The following USP25 variants were observed in gnomAD, a reference collection of about 807,000 sequenced individuals.
USP25 encodes the protein ubiquitin carboxyl-terminal hydrolase 25.
Under a neutral mutation model 158.5 loss-of-function variants are expected in USP25, and 85 were observed. The ratio of observed to expected loss-of-function variants is 0.54; its 90% CI spans 0.45 to 0.64. The LOEUF (loss-of-function observed/expected upper bound fraction) is 0.64, where lower values mean the gene tolerates loss of function less well. Among genes scored for constraint, USP25 ranks in the 30% least tolerant of loss-of-function variants. USP25 has a pLI of 0.00. For synonymous variants in USP25, 464 were observed against 460.4 expected, an observed-to-expected ratio of 1.01 and a Z score of -0.10; for missense variants, 1,242 against 1,327.3, an observed-to-expected ratio of 0.94 and a Z score of 1.00.
intron 20 of USP25, among the ~76,000 whole-genome samples, chr21:15,850,396 C>G (rs1228214893): frequency 2.0e-5 from 3 of 151,982 alleles, no homozygotes; most frequent in African/African-American, 7.2e-5. Context: ...GTGAGAACAT[C>G]AAGCTGAACA....
At chr21:15,848,365 G>GT (rs2038726492) in intron 19 of USP25, among the ~76,000 whole-genome samples, 1 of 151,944 alleles carries the variant, frequency 6.6e-6, no homozygotes, top group South Asian at 2.1e-4. Flanking sequence ...AGGCATTTTT[G>GT]TTTTTCATGA....
intron 20 of USP25, among the ~76,000 whole-genome samples, chr21:15,851,265 A>G (rs1468833028): frequency 6.6e-6 from 1 of 152,150 alleles, no homozygotes; most frequent in East Asian, 1.9e-4. Flanking sequence ...TAATATCTGC[A>G]TATAAATAAT....
intron 1 of USP25, among the ~76,000 whole-genome samples, chr21:15,757,664 G>A (rs2123365288): frequency 6.6e-6 from 1 of 152,274 alleles, no homozygotes; most frequent in East Asian, 1.9e-4. Context: ...GGGCTACCAA[G>A]TCATGTTCTT....
intron 7 of USP25, among the ~76,000 whole-genome samples, chr21:15,808,432 G>A (rs1425088718): frequency 2.6e-5 from 4 of 152,076 alleles, no homozygotes; most frequent in Admixed American, 2.0e-4. Flanking sequence ...TTTATAAAAC[G>A]AAGAACTGTT....
At chr21:15,800,223 G>A (rs1051042525) in intron 6 of USP25, among the ~76,000 whole-genome samples, 1 of 151,078 alleles carries the variant, frequency 6.6e-6, no homozygotes, top group African/African-American at 2.4e-5. Context: ...TTTAAAAAAT[G>A]CGTTTTGCAT....
chr21:15,824,207 T>G, intron 11 of USP25, 41 bp downstream of exon 11: 1 of 1,595,714 alleles, frequency 6.3e-7, no homozygotes, highest in Non-Finnish European at 8.5e-7. Flanking sequence ...TGAAACAGTT[T>G]AGTAAGGGAG....
intron 17 of USP25, among the ~76,000 whole-genome samples, chr21:15,838,443 G>A (rs2038165597): frequency 1.3e-5 from 2 of 151,978 alleles, no homozygotes; most frequent in Admixed American, 6.6e-5. Context: ...CATGGGGTGA[G>A]GATGTAGCTC....
intron 4 of USP25, among the ~76,000 whole-genome samples, chr21:15,783,938 C>T (rs2035123276): frequency 6.6e-6 from 1 of 151,998 alleles, no homozygotes; most frequent in East Asian, 1.9e-4. Context: ...CCACTGCACT[C>T]CAGCCTGGGC....
chr21:15,735,251 C>G (rs148918308), intron 1 of USP25, among the ~76,000 whole-genome samples: 42 of 152,212 alleles, frequency 2.8e-4, no homozygotes, highest in African/African-American at 9.6e-4. Flanking sequence ...TCCACAGGTT[C>G]TGAATCCATA....
At chr21:15,791,410 A>G in intron 4 of USP25, 92 bp from the exon 5 acceptor site, 10 of 1,286,642 alleles carry the variant, frequency 7.8e-6, no homozygotes, top group African/African-American at 1.5e-5. Context: ...CATTATTGAA[A>G]TCTTATGTAA....
chr21:15,733,887 G>C (rs188627257), intron 1 of USP25, among the ~76,000 whole-genome samples: 90 of 152,262 alleles, frequency 5.9e-4, no homozygotes, highest in African/African-American at 2.1e-3. Context: ...TTGAAAAACT[G>C]TGCGTGCTCA....
chr21:15,854,492 A>G (rs1601138075), intron 20 of USP25, among the ~76,000 whole-genome samples: 1 of 152,156 alleles, frequency 6.6e-6, no homozygotes, highest in Non-Finnish European at 1.5e-5. Flanking sequence ...ACGTCCTGAA[A>G]AAATCTTGGT....
chr21:15,850,137 T>A (rs999202217), intron 20 of USP25, among the ~76,000 whole-genome samples: 2 of 152,088 alleles, frequency 1.3e-5, no homozygotes, highest in African/African-American at 4.8e-5. Context: ...AGCAGAAATT[T>A]GAATTGTATT....
At chr21:15,799,681 C>T (rs1211250572) in intron 5 of USP25, 76 bp from the exon 6 acceptor site, 6 of 1,005,610 alleles carry the variant, frequency 6.0e-6, no homozygotes, top group East Asian at 5.0e-5. Context: ...AAAAATAAAC[C>T]TCCAAGACTA....
At chr21:15,839,296 A>G (rs1170710303) in intron 17 of USP25, among the ~76,000 whole-genome samples, 1 of 152,122 alleles carries the variant, frequency 6.6e-6, no homozygotes, top group Non-Finnish European at 1.5e-5. Context: ...CATTTAGGGA[A>G]TTTATAGCTG....
At chr21:15,835,619 A>G (rs939039112) in intron 17 of USP25, among the ~76,000 whole-genome samples, 2 of 152,228 alleles carry the variant, frequency 1.3e-5, no homozygotes, top group Non-Finnish European at 2.9e-5. Context: ...ATGTTGATAT[A>G]TTTCTGGGAG....
intron 5 of USP25, among the ~76,000 whole-genome samples, chr21:15,797,896 A>G (rs559848324): frequency 4.6e-5 from 7 of 151,390 alleles, no homozygotes; most frequent in African/African-American, 1.4e-4. Flanking sequence ...TTTCTTTACA[A>G]TTGACCTATT....
chr21:15,844,635 G>C (rs564242485), intron 18 of USP25, among the ~76,000 whole-genome samples: 2 of 152,014 alleles, frequency 1.3e-5, no homozygotes, highest in Non-Finnish European at 2.9e-5. Flanking sequence ...TAGGCACCCT[G>C]CTTTTTAGAA....
rs573848682 is a variant in USP25 at position 15,789,557 on chromosome 21, AT to A, written c.393-1941del. On this transcript the variant is annotated intron_variant, in intron 4 of 25. Transcript: ENST00000400183. ...TCTTTTAGACTTTTGAGCAGTTTATATTTTAGAATATGCTGTAGAATCCTCT... is the reference window on the plus strand; with the variant it reads ...TCTTTTAGACTTTTGAGCAGTTTATATTTAGAATATGCTGTAGAATCCTCT... 5.7e-3 allele frequency among the ~76,000 whole-genome samples: 863 copies of A among 152,128 alleles called. 7 individuals are homozygous for A. Among genetic ancestry groups the A allele is most frequent in the African/African-American group, 0.02 (838 of 41,538 alleles).
Sources: allele counts gnomAD v4.1 joint callset (sites outside exome capture counted in the v4.1 genomes callset), GRCh38; gene constraint gnomAD v4.1.1; transcripts MANE v1.5; gene names NCBI Gene and HGNC (gene_info 2026-07-23, HGNC 2026-07-21).